The following ARSG variants were observed in gnomAD, a reference collection of about 807,000 sequenced individuals.
ARSG encodes arylsulfatase G.
ARSG carries 37 observed loss-of-function variants against 50.5 expected under a neutral mutation model. The observed-to-expected ratio is 0.73, with a 90% CI of 0.56 to 0.96. ARSG has a LOEUF of 0.96. ARSG is among the 50% of genes least tolerant of loss of function. The pLI, the probability that ARSG is intolerant of heterozygous loss-of-function variation, is 0.00. For synonymous variants in ARSG, 225 were observed against 254.6 expected (o/e 0.88, Z 1.11); for missense variants, 629 against 675.3 (o/e 0.93, Z 0.76).
At chr17:68,449,326 G>A in the ARSG span, among the ~76,000 whole-genome samples, 32 of 152,328 alleles carry the variant, frequency 2.1e-4, no homozygotes, top group South Asian at 8.3e-4. Context: ...CACCAGCACA[G>A]TGCCTGCCTT....
At chr17:68,410,589 T>C (rs1430774209) in intron 11 of ARSG, among the ~76,000 whole-genome samples, 1 of 152,146 alleles carries the variant, frequency 6.6e-6, no homozygotes, top group African/African-American at 2.4e-5. Flanking sequence ...ATTCTCTTTT[T>C]TGGTTGTGTC....
intron 1 of ARSG, among the ~76,000 whole-genome samples, chr17:68,280,828 CAT>C (rs782336049): frequency 1.3e-5 from 2 of 152,242 alleles, no homozygotes; most frequent in Non-Finnish European, 2.9e-5. Context: ...GCAAAGGAAA[CAT>C]ATCAACAGAG....
chr17:68,309,384 C>T (rs782506245), intron 2 of ARSG, among the ~76,000 whole-genome samples: 1 of 152,212 alleles, frequency 6.6e-6, no homozygotes, highest in Non-Finnish European at 1.5e-5. Context: ...CTGAAGGGCT[C>T]AAGTGCCACC....
the ARSG span, chr17:68,434,523 G>C: frequency 1.2e-6 from 2 of 1,611,856 alleles, no homozygotes; most frequent in Non-Finnish European, 1.7e-6. Context: ...CTTCTGCGGG[G>C]ACTTTAAAAT....
chr17:68,351,467 C>A (rs761744787), intron 4 of ARSG, 108 bp from the exon 5 acceptor site: 3 of 682,730 alleles, frequency 4.4e-6, no homozygotes, highest in Non-Finnish European at 5.5e-6. Flanking sequence ...TACTCTATAG[C>A]ACTGCAGTAT....
At chr17:68,349,565 G>A (rs998240836) in intron 4 of ARSG, among the ~76,000 whole-genome samples, 2 of 152,092 alleles carry the variant, frequency 1.3e-5, no homozygotes, top group African/African-American at 2.4e-5. Flanking sequence ...AACCAAGTTA[G>A]CATGAAGATA....
chr17:68,377,815 C>T (rs536959329), intron 8 of ARSG, among the ~76,000 whole-genome samples: 3 of 152,330 alleles, frequency 2.0e-5, no homozygotes, highest in East Asian at 1.9e-4. Context: ...ATTTCAGGCA[C>T]CTCAAGATAA....
At chr17:68,323,482 T>G (rs1277426627) in intron 2 of ARSG, among the ~76,000 whole-genome samples, 1 of 152,100 alleles carries the variant, frequency 6.6e-6, no homozygotes, top group African/African-American at 2.4e-5. Flanking sequence ...ACTCCTGGGC[T>G]CAAGCAGTCC....
chr17:68,365,731 T>G (rs181671644), intron 6 of ARSG, among the ~76,000 whole-genome samples: 11 of 152,264 alleles, frequency 7.2e-5, no homozygotes, highest in African/African-American at 2.6e-4. Context: ...ATACTCAATC[T>G]CACCATGGCT....
the ARSG span, among the ~76,000 whole-genome samples, chr17:68,442,739 A>G: frequency 6.6e-6 from 1 of 152,216 alleles, no homozygotes; most frequent in Non-Finnish European, 1.5e-5. Context: ...CCTGATCAGA[A>G]GAGCACATGC....
the ARSG span, among the ~76,000 whole-genome samples, chr17:68,436,776 C>T: frequency 1.3e-5 from 2 of 152,068 alleles, no homozygotes; most frequent in South Asian, 2.1e-4. Context: ...GCGGGCGGAT[C>T]ACTTGAGGTC....
At chr17:68,264,772 G>A (rs1465677874) in intron 1 of ARSG, among the ~76,000 whole-genome samples, 1 of 151,604 alleles carries the variant, frequency 6.6e-6, no homozygotes. Flanking sequence ...TTTTACTTTT[G>A]GGTAGAGAAA....
At chr17:68,351,244 G>A (rs571067891) in intron 4 of ARSG, among the ~76,000 whole-genome samples, 2 of 150,490 alleles carry the variant, frequency 1.3e-5, no homozygotes, top group South Asian at 4.2e-4. Context: ...CCCTTAAAGT[G>A]TCATGTATAT....
chr17:68,429,282 T>C, the ARSG span, among the ~76,000 whole-genome samples: 1 of 152,032 alleles, frequency 6.6e-6, no homozygotes, highest in Non-Finnish European at 1.5e-5. Context: ...AGAAAGGGGG[T>C]AAATGGAGGA....
At chr17:68,400,647 C>T (rs909271443) in intron 10 of ARSG, 1 of 152,198 alleles carries the variant, frequency 6.6e-6, no homozygotes, top group Middle Eastern at 3.2e-3. Context: ...CCGGTGCCCC[C>T]CACACACAGA....
downstream of ARSG, chr17:68,422,053 G>A: frequency 1.8e-6 from 1 of 566,982 alleles, no homozygotes; most frequent in Non-Finnish European, 3.2e-6. Flanking sequence ...CTGTGTGTGT[G>A]TGTATGTATT....
At chr17:68,298,300 A>G (rs2076281754) in intron 1 of ARSG, among the ~76,000 whole-genome samples, 1 of 152,124 alleles carries the variant, frequency 6.6e-6, no homozygotes, top group African/African-American at 2.4e-5. Flanking sequence ...TCAGGATGCC[A>G]TAATAAAATA....
intron 1 of ARSG, among the ~76,000 whole-genome samples, chr17:68,305,949 C>T (rs1568442933): frequency 6.6e-6 from 1 of 151,900 alleles, no homozygotes; most frequent in Admixed American, 6.6e-5. Context: ...TGTTGGTGGG[C>T]ACCTGTAATC....
intron 2 of ARSG, among the ~76,000 whole-genome samples, chr17:68,333,314 TC>T (rs1035838965): frequency 5.6e-5 from 8 of 143,290 alleles, no homozygotes; most frequent in Non-Finnish European, 1.1e-4. Context: ...AGAGCGAGAC[TC>T]CGTCTCAAAA....
Sources: gnomAD v4.1 joint callset for allele counts (sites outside exome capture counted in the v4.1 genomes callset) on GRCh38, gnomAD v4.1.1 for gene constraint, MANE v1.5 for transcripts, NCBI Gene and HGNC (gene_info 2026-07-23, HGNC 2026-07-21) for gene names.